LUZP2: variants seen among roughly 807,000 people sequenced by gnomAD.
LUZP2 encodes the protein leucine zipper protein 2.
Under a neutral mutation model 51.6 loss-of-function variants are expected in LUZP2, and 52 were observed. The ratio of observed to expected loss-of-function variants is 1.01; its 90% CI spans 0.81 to 1.27. LUZP2 has a LOEUF of 1.27. LUZP2 is among the 50% of genes most tolerant of loss of function. The pLI, the probability that LUZP2 is intolerant of heterozygous loss-of-function variation, is 0.00. For missense variants in LUZP2, 436 were observed against 395.4 expected (o/e 1.10, Z -0.87); for synonymous variants, 154 against 137.3 (o/e 1.12, Z -0.85).
chr11:24,946,602 T>C (rs982875883), intron 7 of LUZP2, among the ~76,000 whole-genome samples: 1 of 151,936 alleles, frequency 6.6e-6, no homozygotes, highest in African/African-American at 2.4e-5. Context: ...AGAAATCTTA[T>C]ACCTATATAG....
rs1298627982 is a variant in LUZP2 at position 25,050,101 on chromosome 11, C to G, written c.829C>G (p.Pro277Ala). 1.2e-6 allele frequency: 2 copies of G among 1,600,308 alleles called. No individual in the cohort carries two copies. The highest frequency in any genetic ancestry group is 1.7e-6 in the Non-Finnish European group (2 of 1,172,900). Residue 277 changes from proline (P) to alanine (A), a missense_variant, in exon 10 of 12, where the codon CCA becomes GCA. Transcript: ENST00000336930. Reference sequence around the variant, plus strand: ...AGTTGAGTCAACAAAGGAAGGAAATCCAAGTACCACTGCCTGTGACTCTCA... The same window carrying G: ...AGTTGAGTCAACAAAGGAAGGAAATGCAAGTACCACTGCCTGTGACTCTCA... Reference protein sequence around the residue: ...SQVESTKEGNPSTTACDSQDE... With the variant: ...SQVESTKEGNASTTACDSQDE...
intron 5 of LUZP2, among the ~76,000 whole-genome samples, chr11:24,774,330 A>AC: frequency 2.2e-5 from 1 of 45,286 alleles, no homozygotes; most frequent in African/African-American, 7.9e-5. Context: ...TACTTAGTAA[A>AC]CTTCTCTCTC....
chr11:24,803,406 A>G lies in LUZP2; in HGVS notation c.396+40098A>G, dbSNP rs76655541. ...AAATAACAAGTGTTAGCCAGGATGT[A>G]GAGAAATTGGAATCCTTGCACACTC... On this transcript the variant is annotated intron_variant, in intron 5 of 11. Coordinates refer to ENST00000336930, the MANE Select transcript of LUZP2 (RefSeq NM_001009909.4). Among the ~76,000 whole-genome samples, 1,500 of 152,202 alleles carry G rather than the reference A, an allele frequency of 9.9e-3. 35 individuals are homozygous for G. Among genetic ancestry groups the G allele is most frequent in the African/African-American group, 0.034 (1,424 of 41,556 alleles).
chr11:24,998,903 A>C (rs1856591048), intron 9 of LUZP2, among the ~76,000 whole-genome samples: 1 of 152,144 alleles, frequency 6.6e-6, no homozygotes, highest in Non-Finnish European at 1.5e-5. Context: ...CATAAATTTT[A>C]AAACTATTTT....
At chr11:24,591,274 G>T (rs1853251667) in intron 1 of LUZP2, among the ~76,000 whole-genome samples, 1 of 152,056 alleles carries the variant, frequency 6.6e-6, no homozygotes, top group African/African-American at 2.4e-5. Context: ...CATGCCCTTG[G>T]GTGGGAGAGC....
chr11:24,582,928 C>T (rs1852923034), intron 1 of LUZP2, among the ~76,000 whole-genome samples: 1 of 152,008 alleles, frequency 6.6e-6, no homozygotes, highest in Non-Finnish European at 1.5e-5. Flanking sequence ...AGTGGATTTA[C>T]ATTTGGAACA....
intron 1 of LUZP2, among the ~76,000 whole-genome samples, chr11:24,526,929 T>G (rs1341037485): frequency 6.6e-6 from 1 of 151,246 alleles, no homozygotes; most frequent in Non-Finnish European, 1.5e-5. Context: ...CTCTAAGGGG[T>G]CTTAAACATG....
chr11:24,708,763 G>A (rs1004758433), intron 1 of LUZP2, among the ~76,000 whole-genome samples: 21 of 152,166 alleles, frequency 1.4e-4, no homozygotes, highest in Admixed American at 2.6e-4. Flanking sequence ...AACTCAGAAC[G>A]CATGATGAAT....
At chr11:24,914,562 C>A in intron 7 of LUZP2, 24 bp downstream of exon 7, 1 of 1,512,930 alleles carries the variant, frequency 6.6e-7, no homozygotes, top group Non-Finnish European at 9.0e-7. Context: ...CTCTCTTTTC[C>A]CTGAAACTTG....
At chr11:24,638,257 A>G (rs1855169414) in intron 1 of LUZP2, among the ~76,000 whole-genome samples, 1 of 151,858 alleles carries the variant, frequency 6.6e-6, no homozygotes, top group Non-Finnish European at 1.5e-5. Context: ...TAAAATTGTC[A>G]ATAAAATAGT....
At chr11:24,795,660 T>A (rs1269138778) in intron 5 of LUZP2, among the ~76,000 whole-genome samples, 1 of 152,126 alleles carries the variant, frequency 6.6e-6, no homozygotes, top group Admixed American at 6.6e-5. Context: ...TGTTGCTTTG[T>A]CAGCATGTCA....
intron 5 of LUZP2, among the ~76,000 whole-genome samples, chr11:24,852,765 G>T (rs949013818): frequency 1.3e-5 from 2 of 152,222 alleles, no homozygotes; most frequent in East Asian, 3.9e-4. Context: ...CCTGTATTGG[G>T]TGCATATATA....
chr11:24,703,872 A>G (rs1457539934), intron 1 of LUZP2, among the ~76,000 whole-genome samples: 1 of 151,544 alleles, frequency 6.6e-6, no homozygotes, highest in Non-Finnish European at 1.5e-5. Flanking sequence ...GAACAAAAAA[A>G]AACAGAATTA....
chr11:24,991,767 A>G (rs569962291), intron 9 of LUZP2, among the ~76,000 whole-genome samples: 59 of 152,134 alleles, frequency 3.9e-4, no homozygotes, highest in Middle Eastern at 3.4e-3. Context: ...CCATTCTTGC[A>G]GAAGTAAGGA....
chr11:24,649,451 A>T (rs1363948086), intron 1 of LUZP2, among the ~76,000 whole-genome samples: 3 of 151,966 alleles, frequency 2.0e-5, no homozygotes, highest in Non-Finnish European at 4.4e-5. Flanking sequence ...CTTGAGTTTT[A>T]AATTTGTAAT....
intron 1 of LUZP2, among the ~76,000 whole-genome samples, chr11:24,503,685 AG>A (rs1307259732): frequency 6.6e-6 from 1 of 152,218 alleles, no homozygotes; most frequent in African/African-American, 2.4e-5. Context: ...ACTGAAACCC[AG>A]GGTGACTGAG....
At chr11:24,574,109 A>C (rs1852528098) in intron 1 of LUZP2, among the ~76,000 whole-genome samples, 6 of 128,014 alleles carry the variant, frequency 4.7e-5, no homozygotes, top group Non-Finnish European at 8.4e-5. Context: ...CCTTTGTTTA[A>C]TCCCTTCCTT....
At chr11:25,040,738 G>C (rs1858028761) in intron 9 of LUZP2, among the ~76,000 whole-genome samples, 1 of 152,114 alleles carries the variant, frequency 6.6e-6, no homozygotes, top group African/African-American at 2.4e-5. Context: ...AGAGATGAAA[G>C]GGGCATTGTC....
intron 4 of LUZP2, 87 bp downstream of exon 4, chr11:24,738,389 C>T (rs190843757): frequency 3.0e-5 from 25 of 839,940 alleles, no homozygotes; most frequent in African/African-American, 5.1e-5. Context: ...AACAAACACA[C>T]CTATAAAAAA....
Sources: gnomAD v4.1 joint callset for allele counts (sites outside exome capture counted in the v4.1 genomes callset) on GRCh38, gnomAD v4.1.1 for gene constraint, MANE v1.5 for transcripts, NCBI Gene and HGNC (gene_info 2026-07-23, HGNC 2026-07-21) for gene names.